DNAJB14: variants seen among roughly 807,000 people sequenced by gnomAD.
The protein encoded by DNAJB14 is dnaJ homolog subfamily B member 14.
Under a neutral mutation model 48.4 loss-of-function variants are expected in DNAJB14, and 22 were observed. The ratio of observed to expected loss-of-function variants is 0.45; its 90% CI spans 0.32 to 0.65. The LOEUF (loss-of-function observed/expected upper bound fraction) is 0.65. Among genes scored for constraint, DNAJB14 ranks in the 30% least tolerant of loss-of-function variants. The probability of loss-of-function intolerance (pLI) is 0.03; values close to 1 mark genes in which losing one functional copy is unlikely to be tolerated. For synonymous variants in DNAJB14, 142 were observed against 158.7 expected, an observed-to-expected ratio of 0.89 and a Z score of 0.79; for missense variants, 319 against 458.8, an observed-to-expected ratio of 0.70 and a Z score of 2.78.
rs1725181887 is a variant in DNAJB14, at chr4:99,897,912, T to G, written c.*3116A>C. The G allele has an allele frequency of 6.6e-6, 1 of 151,964 alleles. No individual in the cohort carries two copies. The highest frequency in any genetic ancestry group is 1.5e-5 in the Non-Finnish European group (1 of 67,884). 9.4% of individuals were successfully genotyped at this position (151,964 alleles called of 1,614,324 possible). Reference sequence around the variant, plus strand: ...AAACTTGCTTAACTGGCAAGATGGCTCACTTGGTCCTCAAGCCAACATCAA... The same window carrying G: ...AAACTTGCTTAACTGGCAAGATGGCGCACTTGGTCCTCAAGCCAACATCAA... On this transcript the variant is annotated 3_prime_UTR_variant, in exon 8 of 8. Coordinates refer to ENST00000442697, the MANE Select transcript of DNAJB14 (RefSeq NM_001031723.4).
At chr4:99,939,374 T>C (rs1011648931) in intron 1 of DNAJB14, among the ~76,000 whole-genome samples, 3 of 152,192 alleles carry the variant, frequency 2.0e-5, no homozygotes, top group African/African-American at 7.2e-5. Context: ...AAAATTTTTT[T>C]AAATGAAATA....
At position 99,903,748 on chromosome 4, in the gene DNAJB14, G is replaced by T; in HGVS notation, c.993C>A (p.Asn331Lys). 1 of 1,608,690 alleles carries T rather than the reference G, an allele frequency of 6.2e-7. No individual in the cohort carries two copies. The highest frequency in any genetic ancestry group is 8.5e-7 in the Non-Finnish European group (1 of 1,178,476). Reference protein sequence around the residue: ...EEDYVTNIRNNCWKERQQKTD... With the variant: ...EEDYVTNIRNKCWKERQQKTD... ...TACTTTGTTGTCTTTCTTTCCAGCA[G>T]TTATTTCGAATATTAGTCACATAAT... The change falls in exon 7 of 8, where the codon AAC becomes AAA. Residue 331 changes from asparagine to lysine, a missense_variant. Physicochemically the swap from Asn to Lys is moderately conservative, Grantham distance 94. Around this residue, in one of 3 missense-constraint regions of DNAJB14, gnomAD observed 166 missense variants for 236.3 expected, o/e 0.70. Transcript: ENST00000442697.
chr4:99,924,765 G>A (rs1324181967), intron 2 of DNAJB14: 2 of 1,611,690 alleles, frequency 1.2e-6, no homozygotes, highest in Admixed American at 1.7e-5. Context: ...CCTACTGTGT[G>A]TTAGGTACAG....
intron 2 of DNAJB14, chr4:99,923,733 G>A: frequency 1.0e-6 from 1 of 965,898 alleles, no homozygotes; most frequent in Non-Finnish European, 1.2e-6. Context: ...ATGGGGTCTT[G>A]TTATGTTGGG....
At position 99,945,928 on chromosome 4, in the gene DNAJB14, G is replaced by A. The variant is rs188394662; in HGVS notation, c.133+511C>T. ...CTCTTTTAAAGGAACTCTCTCCCAGGGAAAAGCAATGTCATCTCAGGTATT... is the reference window on the plus strand; with the variant it reads ...CTCTTTTAAAGGAACTCTCTCCCAGAGAAAAGCAATGTCATCTCAGGTATT... On this transcript the variant is annotated intron_variant, in intron 1 of 7. Coordinates refer to ENST00000442697, the MANE Select transcript of DNAJB14 (RefSeq NM_001031723.4). 1.7e-3 allele frequency among the ~76,000 whole-genome samples: 258 copies of A among 152,238 alleles called. 2 individuals are homozygous for A. Among genetic ancestry groups the A allele is most frequent in the African/African-American group, 5.9e-3 (244 of 41,538 alleles).
At chr4:99,901,296 A>AT in intron 7 of DNAJB14, 144 bp from the exon 8 acceptor site, 1 of 742,590 alleles carries the variant, frequency 1.3e-6, no homozygotes, top group Admixed American at 3.9e-5. Context: ...CCTAAAAGCC[A>AT]TTTTAGTAGG....
chr4:99,920,033 G>A (rs1252687045), intron 3 of DNAJB14, among the ~76,000 whole-genome samples: 1 of 152,086 alleles, frequency 6.6e-6, no homozygotes, highest in Non-Finnish European at 1.5e-5. Flanking sequence ...TTTAAATATA[G>A]TTGGTCTTCT....
intron 7 of DNAJB14, among the ~76,000 whole-genome samples, chr4:99,901,846 AAAG>A (rs1173127547): frequency 1.3e-5 from 2 of 152,252 alleles, no homozygotes; most frequent in African/African-American, 2.4e-5. Context: ...AGGAGCACTT[AAAG>A]AAGATGTAAC....
At chr4:99,931,861 A>T (rs1342485557) in intron 1 of DNAJB14, among the ~76,000 whole-genome samples, 1 of 152,020 alleles carries the variant, frequency 6.6e-6, no homozygotes, top group Non-Finnish European at 1.5e-5. Context: ...AAAAATCTAG[A>T]CAGCTTGTGT....
intron 3 of DNAJB14, among the ~76,000 whole-genome samples, chr4:99,914,176 A>T (rs958588285): frequency 6.6e-6 from 1 of 152,132 alleles, no homozygotes; most frequent in Non-Finnish European, 1.5e-5. Flanking sequence ...TAACACAAAC[A>T]CTTCCCACTA....
chr4:99,914,201 A>G (rs1725767825), intron 3 of DNAJB14, among the ~76,000 whole-genome samples: 1 of 152,148 alleles, frequency 6.6e-6, no homozygotes, highest in Non-Finnish European at 1.5e-5. Flanking sequence ...ACACCTCCCA[A>G]CACTGCCACA....
chr4:99,924,955 A>C (rs931464296), intron 2 of DNAJB14: 4 of 645,048 alleles, frequency 6.2e-6, no homozygotes. Flanking sequence ...TTTAAGTGTG[A>C]ATACCTGTAT....
chr4:99,943,924 G>A (rs1726973084), intron 1 of DNAJB14, among the ~76,000 whole-genome samples: 2 of 151,866 alleles, frequency 1.3e-5, no homozygotes, highest in Non-Finnish European at 2.9e-5. Flanking sequence ...GCATCAAATA[G>A]CACCATCAAC....
In DNAJB14 at chr4:99,900,048, G is replaced by T. The variant is rs959560254; in HGVS notation, c.*980C>A. 1.1e-4 allele frequency: 17 copies of T among 152,264 alleles called. No homozygotes were observed. The highest frequency in any genetic ancestry group is 4.1e-4 in the African/African-American group (17 of 41,390). The allele number at this position is 152,264 out of a possible 1,614,324, so 9.4% of individuals were successfully genotyped here. A position where few individuals can be genotyped will look rare whatever the true frequency, so the allele number is the denominator to read the frequency against. On this transcript the variant is annotated 3_prime_UTR_variant, in exon 8 of 8. Transcript: ENST00000442697. ...TTTAGGAGTTGGCATAGGGTTAAAA[G>T]GCACAAAGCTGTATTTTAGTACTCA...
At chr4:99,906,029 A>AT in intron 5 of DNAJB14, 1 of 1,313,138 alleles carries the variant, frequency 7.6e-7, no homozygotes, top group Non-Finnish European at 9.9e-7. Flanking sequence ...CTGTAAAACC[A>AT]TTTTTTACCT....
At chr4:99,903,384 T>C (rs992397559) in intron 7 of DNAJB14, among the ~76,000 whole-genome samples, 3 of 152,014 alleles carry the variant, frequency 2.0e-5, no homozygotes, top group Non-Finnish European at 2.9e-5. Context: ...CATCTTAAAA[T>C]TGATGACATA....
At chr4:99,913,938 T>C (rs1031690521) in intron 3 of DNAJB14, among the ~76,000 whole-genome samples, 4 of 152,178 alleles carry the variant, frequency 2.6e-5, no homozygotes, top group African/African-American at 7.2e-5. Context: ...TTTGTGGGCA[T>C]AGCCTTGGCT....
chr4:99,930,665 C>T (rs989843360), intron 1 of DNAJB14, 44 bp from the exon 2 acceptor site: 2 of 1,538,172 alleles, frequency 1.3e-6, no homozygotes, highest in Non-Finnish European at 8.8e-7. Context: ...CATCAACGTA[C>T]ATACACAAGA....
At chr4:99,924,727 A>G (rs759930559) in intron 2 of DNAJB14, 1 of 1,609,798 alleles carries the variant, frequency 6.2e-7, no homozygotes, top group Admixed American at 1.7e-5. Context: ...TGATAGAAAA[A>G]AAGGAAATGG....
Sources: gnomAD v4.1 joint callset for allele counts (sites outside exome capture counted in the v4.1 genomes callset) on GRCh38, gnomAD v4.1.1 for gene constraint, gnomAD v4.1.1 regional missense constraint, MANE v1.5 for transcripts, NCBI Gene and HGNC (gene_info 2026-07-23, HGNC 2026-07-21) for gene names.